Variants in YAF2 observed in about 807,000 individuals in gnomAD.
YAF2 encodes the protein YY1 associated factor 2, also known as YY1-associated factor 2.
Under a neutral mutation model 20.1 loss-of-function variants are expected in YAF2, and 7 were observed. The observed-to-expected ratio is 0.35, with a 90% CI of 0.20 to 0.65. YAF2 has a LOEUF of 0.65. Ranked by LOEUF, YAF2 falls within the 30% of genes least tolerant of loss-of-function variation. The probability of loss-of-function intolerance (pLI) is 0.69; values close to 1 mark genes in which losing one functional copy is unlikely to be tolerated. For missense variants in YAF2, 151 were observed against 219.2 expected, an observed-to-expected ratio of 0.69 and a Z score of 1.96; for synonymous variants, 74 against 76.0, an observed-to-expected ratio of 0.97 and a Z score of 0.14.
Position 42,158,191 on chromosome 12 carries a change from A to G in YAF2, c.*2398T>C, listed in dbSNP as rs2065738396. ...GCAGGTTGAGATACCTGTGATTAAT[A>G]AAAGTAAAATAATTTCAAGTCAACT... On this transcript the variant is annotated 3_prime_UTR_variant, in exon 4 of 4. Coordinates refer to ENST00000534854, the MANE Select transcript of YAF2 (RefSeq NM_005748.6). 1 of 152,196 alleles carries G rather than the reference A, an allele frequency of 6.6e-6. No homozygotes were observed. The highest frequency in any genetic ancestry group is 1.5e-5 in the Non-Finnish European group (1 of 68,042). 9.4% of individuals were successfully genotyped at this position (152,196 alleles called of 1,614,324 possible). A position where few individuals can be genotyped will look rare whatever the true frequency, so the allele number is the denominator to read the frequency against.
intron 2 of YAF2, among the ~76,000 whole-genome samples, chr12:42,228,140 G>A (rs1354095071): frequency 1.2e-4 from 8 of 66,588 alleles, no homozygotes; most frequent in Non-Finnish European, 1.1e-4. Context: ...CCGTCCGGGA[G>A]GGAGGTGGGG....
intron 2 of YAF2, chr12:42,234,651 T>TTGAACTTAA (rs990007475): frequency 1.0e-6 from 1 of 984,432 alleles, no homozygotes; most frequent in African/African-American, 1.7e-5. Context: ...CATAAAGAAT[T>TTGAACTTAA]TGAACTTAAT....
intron 2 of YAF2, among the ~76,000 whole-genome samples, chr12:42,177,357 A>G (rs752889382): frequency 1.3e-5 from 2 of 152,172 alleles, no homozygotes; most frequent in African/African-American, 4.8e-5. Flanking sequence ...GTCCAAGACC[A>G]AGGTCCAGTA....
chr12:42,211,680 G>C (rs1431491551), intron 2 of YAF2, among the ~76,000 whole-genome samples: 2 of 150,348 alleles, frequency 1.3e-5, no homozygotes, highest in East Asian at 3.9e-4. Context: ...GGGAGGTGGA[G>C]GTCGCAATGA....
rs141305278 is a variant in YAF2 at position 42,157,779 on chromosome 12, C to CATATATAT, written c.*2802_*2809dup. On this transcript the variant is annotated 3_prime_UTR_variant, in exon 4 of 4. Transcript: ENST00000534854. ...AAATTATATTCACTTTTTAAATATA[C>CATATATAT]ATATATATATATATGTATATTCAAA... 2.5e-3 allele frequency: 371 copies of CATATATAT among 149,958 alleles called. 1 individual carries two copies. The highest frequency in any genetic ancestry group is 8.6e-3 in the African/African-American group (351 of 40,858). 9.3% of individuals were successfully genotyped at this position (149,958 alleles called of 1,614,324 possible). A position where few individuals can be genotyped will look rare whatever the true frequency, so the allele number is the denominator to read the frequency against.
At chr12:42,168,249 G>A (rs2065961172) in intron 2 of YAF2, among the ~76,000 whole-genome samples, 1 of 148,830 alleles carries the variant, frequency 6.7e-6, no homozygotes, top group Non-Finnish European at 1.5e-5. Context: ...CGCACTCTCA[G>A]CTCACTGCAA....
chr12:42,212,220 T>C (rs950376291), intron 2 of YAF2, among the ~76,000 whole-genome samples: 8 of 152,196 alleles, frequency 5.3e-5, no homozygotes, highest in Non-Finnish European at 1.0e-4. Context: ...ATAAAAACTA[T>C]TTCTAATCAA....
intron 2 of YAF2, among the ~76,000 whole-genome samples, chr12:42,169,750 C>T (rs1034457192): frequency 1.3e-5 from 2 of 152,004 alleles, no homozygotes; most frequent in African/African-American, 4.8e-5. Flanking sequence ...AAGCATTATT[C>T]TTGAAGGATA....
chr12:42,236,139 C>A, intron 2 of YAF2: 1 of 1,282,482 alleles, frequency 7.8e-7, no homozygotes, highest in Non-Finnish European at 1.0e-6. Flanking sequence ...TTCCTGCCTC[C>A]AAAAAACGAA....
chr12:42,177,021 C>T (rs969528206), intron 2 of YAF2, among the ~76,000 whole-genome samples: 1 of 152,168 alleles, frequency 6.6e-6, no homozygotes, highest in Admixed American at 6.6e-5. Flanking sequence ...CATTCTTCCA[C>T]AGAGCAGCCA....
At chr12:42,199,909 G>C (rs2066853725) in intron 2 of YAF2, among the ~76,000 whole-genome samples, 2 of 152,098 alleles carry the variant, frequency 1.3e-5, no homozygotes, top group Non-Finnish European at 2.9e-5. Flanking sequence ...AACAATTCAA[G>C]GTTATACAGT....
At chr12:42,206,133 G>A (rs1432260963) in intron 2 of YAF2, among the ~76,000 whole-genome samples, 2 of 151,800 alleles carry the variant, frequency 1.3e-5, no homozygotes, top group Non-Finnish European at 2.9e-5. Flanking sequence ...CTTCAAATCA[G>A]TAACTTCTCT....
intron 2 of YAF2, among the ~76,000 whole-genome samples, chr12:42,213,325 T>A (rs2067264775): frequency 6.6e-6 from 1 of 152,204 alleles, no homozygotes; most frequent in Non-Finnish European, 1.5e-5. Context: ...TGCAAATGGA[T>A]CCTTCCTCAG....
At chr12:42,185,176 GCAAACAAACAAA>G (rs3990969) in intron 2 of YAF2, among the ~76,000 whole-genome samples, 5 of 151,334 alleles carry the variant, frequency 3.3e-5, no homozygotes, top group East Asian at 3.9e-4. Flanking sequence ...AGACTTTGTC[GCAAACAAACAAA>G]CAAACAAACA....
At chr12:42,162,581 G>A (rs1320451621) in intron 2 of YAF2, among the ~76,000 whole-genome samples, 1 of 152,162 alleles carries the variant, frequency 6.6e-6, no homozygotes, top group African/African-American at 2.4e-5. Flanking sequence ...GAAGAAGTAA[G>A]ATAAAAATAC....
At position 42,237,585 on chromosome 12, in the gene YAF2, G is replaced by A. The variant is rs949329877; in HGVS notation, c.152+14C>T. ...CCGCCGGCCGGCGGCGCGAGGGGCAGGCCCGGGACTCACCGGGTGGAGGTG... is the reference window on the plus strand; with the variant it reads ...CCGCCGGCCGGCGGCGCGAGGGGCAAGCCCGGGACTCACCGGGTGGAGGTG... On this transcript the variant is annotated intron_variant, in intron 2 of 3. Coordinates refer to ENST00000534854, the MANE Select transcript of YAF2 (RefSeq NM_005748.6). 32 of 1,524,296 alleles carry A rather than the reference G, an allele frequency of 2.1e-5. No individual in the cohort carries two copies. The highest frequency in any genetic ancestry group is 2.6e-5 in the Non-Finnish European group (30 of 1,134,816). 94.4% of individuals were successfully genotyped at this position (1,524,296 alleles called of 1,614,324 possible).
chr12:42,174,418 C>T (rs1201806654), intron 2 of YAF2, among the ~76,000 whole-genome samples: 3 of 152,176 alleles, frequency 2.0e-5, no homozygotes, highest in Non-Finnish European at 4.4e-5. Context: ...ACACTCTTCA[C>T]ATTTCTCTCC....
intron 2 of YAF2, among the ~76,000 whole-genome samples, chr12:42,204,922 G>C (rs780738596): frequency 1.3e-5 from 2 of 152,050 alleles, no homozygotes; most frequent in African/African-American, 4.8e-5. Context: ...AGAGGGTTAG[G>C]AGAGATGAAA....
In YAF2 at chr12:42,212,694, G is replaced by A. The variant is rs140063332; in HGVS notation, c.152+24905C>T. 5.9e-3 allele frequency among the ~76,000 whole-genome samples: 891 copies of A among 152,262 alleles called. 1 individual carries two copies. The highest frequency in any genetic ancestry group is 9.3e-3 in the Non-Finnish European group (631 of 68,026). Reference sequence around the variant, plus strand: ...TATGAGGTCATATTTGTATTTGTTAGGTTGACAACACACCTGTCAAGATTG... The same window carrying A: ...TATGAGGTCATATTTGTATTTGTTAAGTTGACAACACACCTGTCAAGATTG... On this transcript the variant is annotated intron_variant, in intron 2 of 3. Coordinates refer to ENST00000534854, the MANE Select transcript of YAF2 (RefSeq NM_005748.6).
Sources: gnomAD v4.1 joint callset for allele counts (sites outside exome capture counted in the v4.1 genomes callset) on GRCh38, gnomAD v4.1.1 for gene constraint, MANE v1.5 for transcripts, NCBI Gene and HGNC (gene_info 2026-07-23, HGNC 2026-07-21) for gene names.